PDE1C: variants seen among roughly 807,000 people sequenced by gnomAD.
PDE1C encodes the protein dual specificity calcium/calmodulin-dependent 3',5'-cyclic nucleotide phosphodiesterase 1C.
A neutral mutation model predicts 93.1 loss-of-function variants in PDE1C; 62 were observed. That is an observed-to-expected ratio of 0.67 (90% CI 0.54 to 0.82). The LOEUF (loss-of-function observed/expected upper bound fraction) is 0.82, where lower values mean the gene tolerates loss of function less well. Among genes scored for constraint, PDE1C ranks in the 40% least tolerant of loss-of-function variants. The probability of loss-of-function intolerance (pLI) is 0.00; values close to 1 mark genes in which losing one functional copy is unlikely to be tolerated. For synonymous variants in PDE1C, 325 were observed against 310.1 expected (o/e 1.05, Z -0.50); for missense variants, 742 against 884.6 (o/e 0.84, Z 2.04).
chr7:32,045,674 G>C lies in PDE1C; in HGVS notation c.128+5880C>G, dbSNP rs62457517. Among the ~76,000 whole-genome samples the C allele has an allele frequency of 0.015, 2,226 of 152,262 alleles. 140 individuals are homozygous for C. The East Asian group carries it at 0.2, about 14-fold the overall frequency. ...GCCACTTTTAATTGCAAAGGTAGGG[G>C]ACAACAGTCTACCAATTCTATTTCA... On this transcript the variant is annotated intron_variant, in intron 2 of 17. Coordinates refer to ENST00000396191, the MANE Select transcript of PDE1C (RefSeq NM_001191057.4).
chr7:32,178,259 C>CA (rs1314531998), intron 2 of PDE1C, among the ~76,000 whole-genome samples: 1 of 152,166 alleles, frequency 6.6e-6, no homozygotes, highest in Non-Finnish European at 1.5e-5. Context: ...GGGCCTCTGC[C>CA]ATGGCTCATC....
intron 2 of PDE1C, among the ~76,000 whole-genome samples, chr7:32,003,405 G>A (rs564036933): frequency 1.3e-4 from 20 of 152,306 alleles, no homozygotes; most frequent in African/African-American, 4.8e-4. Context: ...ACCTTATTCT[G>A]TTTCTGTATA....
intron 3 of PDE1C, among the ~76,000 whole-genome samples, chr7:32,156,664 T>C (rs1801594582): frequency 2.0e-5 from 3 of 152,148 alleles, no homozygotes; most frequent in Admixed American, 1.3e-4. Flanking sequence ...TCTACACTGA[T>C]ACTAAAATGT....
intron 1 of PDE1C, among the ~76,000 whole-genome samples, chr7:32,321,649 G>A (rs1264367725): frequency 8.5e-5 from 13 of 152,196 alleles, no homozygotes; most frequent in Admixed American, 5.9e-4. Flanking sequence ...GAGAGAGATG[G>A]AATTTTGATA....
intron 2 of PDE1C, among the ~76,000 whole-genome samples, chr7:31,938,629 T>C (rs940177891): frequency 1.8e-4 from 27 of 152,216 alleles, no homozygotes; most frequent in African/African-American, 5.8e-4. Flanking sequence ...AAATTTATGT[T>C]GAATCATCTT....
chr7:31,869,400 T>C (rs1295919474), intron 6 of PDE1C, among the ~76,000 whole-genome samples: 1 of 151,862 alleles, frequency 6.6e-6, no homozygotes, highest in Non-Finnish European at 1.5e-5. Context: ...TAAAGACACA[T>C]GTAGACTGAA....
rs147371636 is a variant in PDE1C at position 32,200,283 on chromosome 7, C to T, written c.136+9206G>A. Among the ~76,000 whole-genome samples the T allele has an allele frequency of 3.8e-4, 58 of 152,208 alleles. 2 individuals carry two copies. In the East Asian group the frequency reaches 0.01, roughly 27 times the overall value. On this transcript the variant is annotated intron_variant, in intron 2 of 18. Coordinates refer to the PDE1C transcript ENST00000396193. ...GGTCTTGTTTTCTCCATGAGAATAT[C>T]TTATGACTTGGGTTGTATTTCAAAA...
chr7:31,772,600 T>A (rs895424087), intron 17 of PDE1C, among the ~76,000 whole-genome samples: 1 of 152,038 alleles, frequency 6.6e-6, no homozygotes, highest in African/African-American at 2.4e-5. Flanking sequence ...TTTACCTACC[T>A]TGGCGTGTGT....
chr7:31,883,924 G>C (rs1322622881), intron 2 of PDE1C, among the ~76,000 whole-genome samples: 1 of 152,226 alleles, frequency 6.6e-6, no homozygotes, highest in Non-Finnish European at 1.5e-5. Context: ...TATGCATTCA[G>C]TGTGAAGTTC....
Position 32,335,676 on chromosome 7 carries a change from G to A in PDE1C, c.310+92146C>T, listed in dbSNP as rs1475803021. Among the ~76,000 whole-genome samples, 4 of 152,086 alleles carry A rather than the reference G, an allele frequency of 2.6e-5. No homozygotes were observed. In the East Asian group the frequency reaches 7.8e-4, roughly 30 times the overall value. ...ATATTGGATTAGGGCCCACCCTAGTGACCTTGCTTTACCTTAATTACCTCT... is the reference window on the plus strand; with the variant it reads ...ATATTGGATTAGGGCCCACCCTAGTAACCTTGCTTTACCTTAATTACCTCT... On this transcript the variant is annotated intron_variant, in intron 1 of 1. Transcript: ENST00000672256.
At chr7:31,755,572 CAAAA>C (rs35159565) in intron 17 of PDE1C, among the ~76,000 whole-genome samples, 1 of 150,846 alleles carries the variant, frequency 6.6e-6, no homozygotes, top group African/African-American at 2.4e-5. Flanking sequence ...TTGAAGTGTT[CAAAA>C]AAAACAAAAC....
At chr7:32,376,939 G>A (rs1450305095) in intron 1 of PDE1C, among the ~76,000 whole-genome samples, 1 of 151,894 alleles carries the variant, frequency 6.6e-6, no homozygotes, top group Non-Finnish European at 1.5e-5. Flanking sequence ...CGCCAGCCTC[G>A]GCCTCCCACA....
intron 3 of PDE1C, among the ~76,000 whole-genome samples, chr7:32,158,135 G>A (rs950947686): frequency 1.3e-5 from 2 of 152,188 alleles, no homozygotes; most frequent in African/African-American, 4.8e-5. Flanking sequence ...TTCAAAGAAT[G>A]AGAATGTTAA....
chr7:32,401,595 T>C (rs994303757), intron 1 of PDE1C, among the ~76,000 whole-genome samples: 1 of 151,462 alleles, frequency 6.6e-6, no homozygotes, highest in Non-Finnish European at 1.5e-5. Context: ...GATGAGGAAA[T>C]AAATAGAAAC....
chr7:31,699,763 G>T, the PDE1C span, among the ~76,000 whole-genome samples: 1 of 151,636 alleles, frequency 6.6e-6, no homozygotes, highest in Non-Finnish European at 1.5e-5. Flanking sequence ...CATTTTAGTA[G>T]TTCTTGCACT....
chr7:31,962,646 T>C (rs542553189), intron 2 of PDE1C, among the ~76,000 whole-genome samples: 1 of 152,184 alleles, frequency 6.6e-6, no homozygotes, highest in Non-Finnish European at 1.5e-5. Context: ...GACATGGTTA[T>C]TTTCAGTAAG....
chr7:31,724,340 T>C, the PDE1C span, among the ~76,000 whole-genome samples: 1 of 152,340 alleles, frequency 6.6e-6, no homozygotes. Context: ...TTTTGCCCTA[T>C]CTATGTCCCC....
At chr7:31,647,060 C>A in the PDE1C span, among the ~76,000 whole-genome samples, 1 of 152,242 alleles carries the variant, frequency 6.6e-6, no homozygotes, top group Non-Finnish European at 1.5e-5. Context: ...ATTTATACTC[C>A]TATGCAGGCA....
the PDE1C span, among the ~76,000 whole-genome samples, chr7:31,688,041 T>C: frequency 6.6e-6 from 1 of 152,122 alleles, no homozygotes; most frequent in African/African-American, 2.4e-5. Context: ...AGAGATGGGA[T>C]AAAGAGATAA....
Sources: allele counts gnomAD v4.1 joint callset (sites outside exome capture counted in the v4.1 genomes callset), GRCh38; gene constraint gnomAD v4.1.1; transcripts MANE v1.5; gene names NCBI Gene and HGNC (gene_info 2026-07-23, HGNC 2026-07-21).